Variants in RIBC1 observed in about 807,000 individuals in gnomAD.
The protein encoded by RIBC1 is RIB43A domain with coiled-coils 1.
A neutral mutation model predicts 33.7 loss-of-function variants in RIBC1; 12 were observed. The observed-to-expected ratio is 0.36, with a 90% CI of 0.23 to 0.58. The LOEUF is 0.58. Ranked by LOEUF, RIBC1 falls within the 20% of genes least tolerant of loss-of-function variation. RIBC1 has a pLI of 0.81. For missense variants in RIBC1, 242 were observed against 311.6 expected (o/e 0.78, Z 1.68); for synonymous variants, 89 against 109.0 (o/e 0.82, Z 1.14).
chrX:53,425,515 T>TAAAAAAAAAAAAAAAAAAAAAA (rs782760749), intron 2 of RIBC1, among the ~76,000 whole-genome samples: 1 of 25,861 alleles, frequency 3.9e-5, no homozygotes, highest in African/African-American at 1.6e-4. Context: ...GTAATAAAAG[T>TAAAAAAAAAAAAAAAAAAAAAA]AAAAAAAAAA....
At position 53,429,899 on chromosome X, in the gene RIBC1, C is replaced by T. The variant is rs1349705510; in HGVS notation, c.590C>T (p.Thr197Ile). 1.7e-6 allele frequency: 2 copies of T among 1,210,391 alleles called. No homozygotes were observed. The highest frequency in any genetic ancestry group is 3.5e-5 in the African/African-American group (2 of 57,515). ...QLRLAMDAQA[T>I]HLARLEESCR... ...CGCCTCGCCATGGATGCACAGGCCA[C>T]CCATCTGGCCAGGCTGGAGGAGTCC... Residue 197 changes from threonine to isoleucine, a missense_variant, in exon 6 of 8, where the codon ACC becomes ATC. Thr to Ile is a moderately conservative substitution (Grantham distance 89). Transcript: ENST00000375327.
At chrX:53,423,777 C>T (rs918557624) in intron 2 of RIBC1, among the ~76,000 whole-genome samples, 5 of 111,804 alleles carry the variant, frequency 4.5e-5, no homozygotes, top group African/African-American at 1.6e-4. Flanking sequence ...AGGACAAGTC[C>T]AGGAAAGTGA....
intron 3 of RIBC1, among the ~76,000 whole-genome samples, chrX:53,427,474 A>G (rs782805294): frequency 2.1e-4 from 24 of 112,640 alleles, no homozygotes; most frequent in Admixed American, 1.7e-3. Flanking sequence ...CTCTGTGCCA[A>G]GCACTGTGTT....
intron 2 of RIBC1, among the ~76,000 whole-genome samples, chrX:53,424,103 G>A (rs1602420522): frequency 9.1e-6 from 1 of 110,421 alleles, no homozygotes; most frequent in East Asian, 2.9e-4. Context: ...AAGCTTGGTA[G>A]ATGGAATCTA....
chrX:53,429,696 T>C (rs1442145586), intron 5 of RIBC1, 158 bp from the exon 6 acceptor site: 12 of 1,034,309 alleles, frequency 1.2e-5, no homozygotes, highest in African/African-American at 1.9e-5. Flanking sequence ...TCGTTGTTGC[T>C]GCACCTAGTT....
chrX:53,426,201 G>C, intron 2 of RIBC1, 76 bp from the exon 3 acceptor site: 1 of 624,169 alleles, frequency 1.6e-6, no homozygotes, highest in Non-Finnish European at 2.7e-6. Flanking sequence ...ATTATAGGGA[G>C]AAAGGAATGG....
Position 53,431,013 on chromosome X carries a change from C to G in RIBC1, c.*25C>G. 8.3e-7 allele frequency: 1 copy of G among 1,211,422 alleles called. No individual in the cohort carries two copies. The highest frequency in any genetic ancestry group is 1.7e-5 in the African/African-American group (1 of 57,778). On this transcript the variant is annotated 3_prime_UTR_variant, in exon 8 of 8. Transcript: ENST00000375327. The stretch of plus-strand genomic sequence containing the variant: ...AGTTCAGGATGTCTATCTCTCTCTC[C>G]CTTCTCCTCCATCAAGCTCACAGGT...
intron 2 of RIBC1, among the ~76,000 whole-genome samples, chrX:53,423,701 G>A (rs1378245905): frequency 1.8e-5 from 2 of 112,160 alleles, no homozygotes; most frequent in Non-Finnish European, 3.8e-5. Context: ...TCTGGTGGTT[G>A]CCATAATTAT....
chrX:53,429,559 C>T (rs1342166853), intron 5 of RIBC1: 1 of 441,894 alleles, frequency 2.3e-6, no homozygotes, highest in Non-Finnish European at 3.3e-6. Flanking sequence ...GAACCCAGCA[C>T]ATGGCCCTTA....
Position 53,426,355 on chromosome X carries a change from C to A in RIBC1, c.79C>A (p.Gln27Lys), listed in dbSNP as rs782634966. ...TAGAAGAAATCGAGAAAAAGAGCGA[C>A]AAAACCGATTCTTCAATGTGCGGAA... ...EARRNREKERQNRFFNVRNRV... is the reference protein window; with the variant it reads ...EARRNREKERKNRFFNVRNRV... The change falls in exon 3 of 8, where the codon CAA becomes AAA. Residue 27 changes from glutamine (Q) to lysine (K), a missense_variant. By Grantham distance (53) the Gln-to-Lys change is moderately conservative (BLOSUM62 1). Coordinates refer to ENST00000375327, the MANE Select transcript of RIBC1 (RefSeq NM_001031745.5). The A allele has an allele frequency of 1.7e-6, 2 of 1,205,830 alleles. No individual in the cohort carries two copies. Among genetic ancestry groups the A allele is most frequent in the South Asian group, 3.6e-5 (2 of 56,153 alleles).
At position 53,431,008 on chromosome X, in the gene RIBC1, C is replaced by G. The variant is rs782677472; in HGVS notation, c.*20C>G. On this transcript the variant is annotated 3_prime_UTR_variant, in exon 8 of 8. Coordinates refer to ENST00000375327, the MANE Select transcript of RIBC1 (RefSeq NM_001031745.5). ...CGCTAAGTTCAGGATGTCTATCTCT[C>G]TCTCCCTTCTCCTCCATCAAGCTCA... 7 of 1,209,816 alleles carry G rather than the reference C, an allele frequency of 5.8e-6. No individual in the cohort carries two copies. The highest frequency in any genetic ancestry group is 2.2e-6 in the Non-Finnish European group (2 of 895,046).
At chrX:53,430,329 C>T (rs1277409469) in intron 6 of RIBC1, 67 bp from the exon 7 acceptor site, 1 of 933,196 alleles carries the variant, frequency 1.1e-6, no homozygotes, top group Non-Finnish European at 1.5e-6. Flanking sequence ...GCCATGTTCC[C>T]CCCTCCCCTG....
rs1556893883 is a variant in RIBC1 at position 53,429,896 on chromosome X, C to A, written c.587C>A (p.Ala196Asp). The A allele has an allele frequency of 8.3e-7, 1 of 1,211,605 alleles. No homozygotes were observed. The highest frequency in any genetic ancestry group is 2.2e-5 in the Admixed American group (1 of 46,118). The change falls in exon 6 of 8, where the codon GCC becomes GAC. Residue 196 changes from alanine to aspartate, a missense_variant. By Grantham distance (126) the Ala-to-Asp change is moderately radical. Transcript: ENST00000375327. ...CTGCGCCTCGCCATGGATGCACAGG[C>A]CACCCATCTGGCCAGGCTGGAGGAG... is the stretch of plus-strand genomic sequence containing the variant. The part of the protein sequence containing the change: ...NQLRLAMDAQ[A>D]THLARLEESC...
At chrX:53,430,193 C>T (rs190547648) in intron 6 of RIBC1, among the ~76,000 whole-genome samples, 2 of 112,492 alleles carry the variant, frequency 1.8e-5, no homozygotes, top group African/African-American at 6.4e-5. Context: ...CCCTCTCATC[C>T]TCCGCTTCCC....
At chrX:53,428,816 G>T (rs2075806134) in intron 5 of RIBC1, 189 bp downstream of exon 5, 2 of 1,075,826 alleles carry the variant, frequency 1.9e-6, no homozygotes, top group Non-Finnish European at 2.4e-6. Flanking sequence ...GTGTAGCATT[G>T]TTCTTGATTA....
intron 3 of RIBC1, 133 bp downstream of exon 3, chrX:53,426,526 G>C: frequency 1.2e-5 from 6 of 499,054 alleles, no homozygotes; most frequent in Non-Finnish European, 2.1e-5. Context: ...AAAGGAAAGA[G>C]AGGGAGAGAA....
At chrX:53,426,231 AC>A in intron 2 of RIBC1, 45 bp from the exon 3 acceptor site, 1 of 840,202 alleles carries the variant, frequency 1.2e-6, no homozygotes, top group Non-Finnish European at 1.8e-6. Context: ...GTAGTCAAAG[AC>A]GGTGGTCGGC....
At chrX:53,428,119 TAA>T in intron 4 of RIBC1, 35 bp downstream of exon 4, 1 of 1,199,927 alleles carries the variant, frequency 8.3e-7, no homozygotes, top group Non-Finnish European at 1.1e-6. Flanking sequence ...GACAAGGGTG[TAA>T]AGAAAGAGCT....
rs1357817292 is a variant in RIBC1 at position 53,424,765 on chromosome X, G to A, written c.-1+1363G>A. On this transcript the variant is annotated intron_variant, in intron 2 of 7. Transcript: ENST00000375327. ...CCATACACAAAATGCAACTCCAAGT[G>A]GATTAAAAACCTAAGTGACGCCGGG... 9.1e-5 allele frequency among the ~76,000 whole-genome samples: 10 copies of A among 110,132 alleles called. No homozygotes were observed. The East Asian group carries it at 2.1e-3, about 23-fold the overall frequency.
Sources: allele counts gnomAD v4.1 joint callset (sites outside exome capture counted in the v4.1 genomes callset), GRCh38; gene constraint gnomAD v4.1.1; transcripts MANE v1.5; gene names NCBI Gene and HGNC (gene_info 2026-07-23, HGNC 2026-07-21).